Variants in MGAT4C observed in about 807,000 individuals in gnomAD.
The protein encoded by MGAT4C is alpha-1,3-mannosyl-glycoprotein 4-beta-N-acetylglucosaminyltransferase C.
Under a neutral mutation model 40.1 loss-of-function variants are expected in MGAT4C, and 19 were observed. The observed-to-expected ratio is 0.47, with a 90% CI of 0.33 to 0.70. The LOEUF (loss-of-function observed/expected upper bound fraction) is 0.70, where lower values mean the gene tolerates loss of function less well. MGAT4C is among the 30% of genes least tolerant of loss of function. MGAT4C has a pLI of 0.02. For missense variants in MGAT4C, 491 were observed against 563.2 expected (o/e 0.87, Z 1.30); for synonymous variants, 181 against 187.1 (o/e 0.97, Z 0.27).
chr12:86,001,669 T>C, intron 2 of MGAT4C: 2 of 979,308 alleles, frequency 2.0e-6, no homozygotes, highest in Non-Finnish European at 2.4e-6. Flanking sequence ...GAAGTTGGTA[T>C]AGTCACATGC....
intron 1 of MGAT4C, among the ~76,000 whole-genome samples, chr12:86,206,876 C>T (rs839171): frequency 0.66 from 100,051 of 152,088 alleles, 33,570 homozygotes; most frequent in South Asian, 0.76. Context: ...ATAAACAAGA[C>T]GATCACTTCA....
At position 86,478,658 on chromosome 12, in the gene MGAT4C, C is replaced by A. The variant is rs74569759; in HGVS notation, c.-228-43393G>T. 3.3e-3 allele frequency among the ~76,000 whole-genome samples: 500 copies of A among 152,156 alleles called. 2 individuals carry two copies. Among genetic ancestry groups the A allele is most frequent in the African/African-American group, 0.012 (483 of 41,542 alleles). ...TACTGCCCATGGCAATTCAAATTCC[C>A]TGATTAACACTGGAGCTTTTTGCAA... On this transcript the variant is annotated intron_variant, in intron 2 of 7. Transcript: ENST00000548651.
chr12:86,287,724 C>A (rs1195755863), intron 4 of MGAT4C, among the ~76,000 whole-genome samples: 1 of 152,108 alleles, frequency 6.6e-6, no homozygotes, highest in African/African-American at 2.4e-5. Context: ...AAAACTGTGC[C>A]ACATATTCTT....
intron 2 of MGAT4C, among the ~76,000 whole-genome samples, chr12:86,464,566 G>T (rs1397648599): frequency 6.6e-6 from 1 of 152,028 alleles, no homozygotes; most frequent in East Asian, 1.9e-4. Flanking sequence ...AATTTCTGCA[G>T]ATGTTCTTAG....
At chr12:86,426,114 T>C (rs190767396) in intron 3 of MGAT4C, among the ~76,000 whole-genome samples, 6 of 152,310 alleles carry the variant, frequency 3.9e-5, no homozygotes, top group African/African-American at 1.4e-4. Flanking sequence ...TACAACTTAT[T>C]TTGCAGTCAT....
intron 2 of MGAT4C, among the ~76,000 whole-genome samples, chr12:86,507,285 C>A (rs992709043): frequency 2.0e-5 from 3 of 152,104 alleles, no homozygotes; most frequent in Admixed American, 6.6e-5. Context: ...CACTTCTTAG[C>A]CTCATAATAC....
intron 2 of MGAT4C, among the ~76,000 whole-genome samples, chr12:86,634,453 T>G (rs1246154487): frequency 6.6e-6 from 1 of 152,124 alleles, no homozygotes; most frequent in East Asian, 1.9e-4. Flanking sequence ...ATACAATTAT[T>G]ATAGTTCCTG....
At chr12:86,143,856 T>C (rs1484501395) in intron 1 of MGAT4C, among the ~76,000 whole-genome samples, 2 of 152,154 alleles carry the variant, frequency 1.3e-5, no homozygotes, top group Non-Finnish European at 2.9e-5. Flanking sequence ...ATGAAGGCAA[T>C]AGAAACTAAC....
chr12:86,097,907 C>T (rs769835407), intron 1 of MGAT4C, among the ~76,000 whole-genome samples: 4 of 151,622 alleles, frequency 2.6e-5, no homozygotes, highest in Non-Finnish European at 5.9e-5. Context: ...TTTCAACCAG[C>T]TAATGTCTCA....
chr12:86,164,601 T>C (rs1593118545), intron 1 of MGAT4C, among the ~76,000 whole-genome samples: 1 of 152,114 alleles, frequency 6.6e-6, no homozygotes, highest in South Asian at 2.1e-4. Context: ...TATGAGCACA[T>C]GTTAGGGATG....
intron 2 of MGAT4C, among the ~76,000 whole-genome samples, chr12:86,674,870 CTTGT>C (rs1169347632): frequency 6.6e-6 from 1 of 152,040 alleles, no homozygotes; most frequent in African/African-American, 2.4e-5. Flanking sequence ...TACTGAATCT[CTTGT>C]TTATTTAATT....
rs1051136619 is a variant in MGAT4C at position 86,503,972 on chromosome 12, A to G, written c.-228-68707T>C. On this transcript the variant is annotated intron_variant, in intron 2 of 7. Coordinates refer to the MGAT4C transcript ENST00000548651. ...AACCTTCCTACAAAATAAGAAAAAT[A>G]AAGACAATTGATGATATAAAAGAAG... 2.0e-5 allele frequency among the ~76,000 whole-genome samples: 3 copies of G among 151,478 alleles called. No homozygotes were observed. The East Asian group carries it at 5.8e-4, about 29-fold the overall frequency.
At chr12:86,830,474 C>T (rs1266177263) in intron 1 of MGAT4C, among the ~76,000 whole-genome samples, 1 of 151,656 alleles carries the variant, frequency 6.6e-6, no homozygotes, top group Non-Finnish European at 1.5e-5. Context: ...GAAGATTTTT[C>T]CTTTAATGTA....
At chr12:85,987,510 A>G (rs992233435) in intron 3 of MGAT4C, among the ~76,000 whole-genome samples, 1 of 152,182 alleles carries the variant, frequency 6.6e-6, no homozygotes, top group Non-Finnish European at 1.5e-5. Flanking sequence ...GAGTAGATAT[A>G]TTCCTAATAT....
intron 2 of MGAT4C, among the ~76,000 whole-genome samples, chr12:86,696,494 G>A (rs1352886515): frequency 6.6e-6 from 1 of 152,180 alleles, no homozygotes; most frequent in Non-Finnish European, 1.5e-5. Flanking sequence ...TTTAAGCAAA[G>A]GCCTTTGAGA....
intron 1 of MGAT4C, among the ~76,000 whole-genome samples, chr12:86,085,245 T>C (rs1325999490): frequency 6.6e-6 from 1 of 152,128 alleles, no homozygotes; most frequent in Non-Finnish European, 1.5e-5. Flanking sequence ...TTGTTGCAAT[T>C]GCTTTTGGTG....
intron 2 of MGAT4C, among the ~76,000 whole-genome samples, chr12:86,722,765 T>G (rs1313711363): frequency 6.6e-6 from 1 of 152,210 alleles, no homozygotes; most frequent in African/African-American, 2.4e-5. Context: ...AGCAGTTACC[T>G]AATTTGGTTT....
At chr12:86,823,299 A>G (rs931871480) in intron 1 of MGAT4C, among the ~76,000 whole-genome samples, 1 of 151,336 alleles carries the variant, frequency 6.6e-6, no homozygotes, top group Admixed American at 6.6e-5. Context: ...GTAAAATAGA[A>G]ACGCAAAAGG....
chr12:86,644,525 C>G (rs1410518144), intron 2 of MGAT4C, among the ~76,000 whole-genome samples: 2 of 151,662 alleles, frequency 1.3e-5, no homozygotes, highest in Non-Finnish European at 3.0e-5. Flanking sequence ...TTAGAAAACT[C>G]TTAGGCATTA....
Sources: allele counts gnomAD v4.1 joint callset (sites outside exome capture counted in the v4.1 genomes callset), GRCh38; gene constraint gnomAD v4.1.1; transcripts MANE v1.5; gene names NCBI Gene and HGNC (gene_info 2026-07-23, HGNC 2026-07-21).